CSMD1: variants seen among roughly 807,000 people sequenced by gnomAD.
CSMD1 encodes CUB and Sushi multiple domains 1.
CSMD1 carries 213 observed loss-of-function variants against 417.5 expected under a neutral mutation model. The observed-to-expected ratio is 0.51, with a 90% CI of 0.46 to 0.57. The LOEUF is 0.57. Ranked by LOEUF, CSMD1 falls within the 20% of genes least tolerant of loss-of-function variation. CSMD1 has a pLI of 0.00. For synonymous variants in CSMD1, 2,862 were observed against 1,736.8 expected (o/e 1.65, Z -16.11); for missense variants, 6,923 against 4,529.7 (o/e 1.53, Z -15.17).
rs560054875 is a variant in CSMD1 at position 3,873,920 on chromosome 8, A to C, written c.819-119878T>G. 2.7e-4 allele frequency among the ~76,000 whole-genome samples: 41 copies of C among 152,282 alleles called. No individual in the cohort carries two copies. In the East Asian group the frequency reaches 5.0e-3, roughly 19 times the overall value. On this transcript the variant is annotated intron_variant, in intron 5 of 69. Transcript: ENST00000635120. ...GAGGTCACTGATCTTGGAGACAACT[A>C]GATCTGACTTTGGATTCTGAAAAGA...
At position 3,021,402 on chromosome 8, in the gene CSMD1, T is replaced by G. The variant is rs1194320036; in HGVS notation, c.7856-2752A>C. 4.6e-5 allele frequency among the ~76,000 whole-genome samples: 7 copies of G among 152,352 alleles called. No individual in the cohort carries two copies. The East Asian group carries it at 1.3e-3, about 29-fold the overall frequency. Reference sequence around the variant, plus strand: ...CAATAACTCGGAAATCTTGCCTGACTGAAAAGGGGAAGCCCCTCACTACTA... The same window carrying G: ...CAATAACTCGGAAATCTTGCCTGACGGAAAAGGGGAAGCCCCTCACTACTA... On this transcript the variant is annotated intron_variant, in intron 51 of 69. Transcript: ENST00000635120.
intron 1 of CSMD1, among the ~76,000 whole-genome samples, chr8:4,747,064 T>C (rs1247389293): frequency 1.3e-5 from 2 of 152,100 alleles, no homozygotes; most frequent in East Asian, 3.9e-4. Context: ...TGGATCACCA[T>C]CCTCTGGGGC....
At chr8:4,181,396 G>A (rs747211339) in intron 3 of CSMD1, among the ~76,000 whole-genome samples, 1 of 151,532 alleles carries the variant, frequency 6.6e-6, no homozygotes, top group Non-Finnish European at 1.5e-5. Flanking sequence ...AAACTATAAG[G>A]CAGGGTTCTC....
chr8:3,219,267 T>A lies in CSMD1; in HGVS notation c.4660A>T (p.Ile1554Phe). 6.3e-7 allele frequency: 1 copy of A among 1,592,004 alleles called. No homozygotes were observed. Among genetic ancestry groups the A allele is most frequent in the Non-Finnish European group, 8.6e-7 (1 of 1,168,216 alleles). Residue 1554 changes from isoleucine (I) to phenylalanine (F), a missense_variant, in exon 29 of 70, where the codon ATT becomes TTT. Ile to Phe is a conservative substitution (Grantham distance 21). Transcript: ENST00000635120. ...DASVGLSGFA[I>F]EFKEKPREAC... ...GCAATCGCAATACCTTTAAATTCAA[T>A]GGCGAACCCTGAAAGGCCCACGGAG... is the stretch of plus-strand genomic sequence containing the variant.
At chr8:4,044,222 T>C (rs1333735918) in intron 3 of CSMD1, among the ~76,000 whole-genome samples, 4 of 152,136 alleles carry the variant, frequency 2.6e-5, no homozygotes, top group African/African-American at 9.7e-5. Flanking sequence ...CTGTTTCAAA[T>C]ACAAATAACT....
At chr8:3,556,690 C>T (rs1163263886) in intron 10 of CSMD1, among the ~76,000 whole-genome samples, 2 of 151,898 alleles carry the variant, frequency 1.3e-5, no homozygotes, top group Admixed American at 1.3e-4. Flanking sequence ...CTACTGTAAG[C>T]ACCTTTAAAT....
chr8:4,807,083 T>G (rs1418166009), intron 1 of CSMD1, among the ~76,000 whole-genome samples: 1 of 152,234 alleles, frequency 6.6e-6, no homozygotes, highest in African/African-American at 2.4e-5. Context: ...TTTTATTCTT[T>G]TTAACCACAG....
At chr8:4,349,272 A>G (rs1003615334) in intron 3 of CSMD1, among the ~76,000 whole-genome samples, 3 of 152,202 alleles carry the variant, frequency 2.0e-5, no homozygotes, top group Non-Finnish European at 4.4e-5. Flanking sequence ...TGGTTTTCAA[A>G]AACAATTTTT....
intron 3 of CSMD1, among the ~76,000 whole-genome samples, chr8:4,085,754 G>C (rs961251910): frequency 3.9e-5 from 6 of 152,160 alleles, no homozygotes; most frequent in African/African-American, 1.4e-4. Flanking sequence ...GAGGGAAGAT[G>C]TGTGGCTTCC....
At chr8:3,745,507 G>T (rs1451162079) in intron 6 of CSMD1, among the ~76,000 whole-genome samples, 1 of 152,196 alleles carries the variant, frequency 6.6e-6, no homozygotes, top group Non-Finnish European at 1.5e-5. Context: ...TGTACAACAG[G>T]AAACTCGCCC....
intron 1 of CSMD1, among the ~76,000 whole-genome samples, chr8:4,643,295 T>C (rs1803320867): frequency 6.6e-6 from 1 of 152,208 alleles, no homozygotes; most frequent in African/African-American, 2.4e-5. Context: ...TACATCTATT[T>C]TGTGAAAATG....
chr8:3,351,448 T>C (rs1366146826), intron 21 of CSMD1, among the ~76,000 whole-genome samples: 2 of 151,584 alleles, frequency 1.3e-5, no homozygotes, highest in Non-Finnish European at 2.9e-5. Context: ...CCGTCTCTAC[T>C]AAAAATACAA....
intron 2 of CSMD1, among the ~76,000 whole-genome samples, chr8:4,604,456 CA>C: frequency 6.6e-6 from 1 of 150,868 alleles, no homozygotes; most frequent in South Asian, 2.1e-4. Flanking sequence ...GGATCATCAA[CA>C]AGTTCATGAA....
chr8:4,027,396 G>C lies in CSMD1; in HGVS notation c.610+4509C>G, dbSNP rs1585159564. ...AATTCTAATCCCCTAATCCCCATGA[G>C]TTGGGGAGGCACATTGTGGGAGGTG... On this transcript the variant is annotated intron_variant, in intron 4 of 69. Transcript: ENST00000635120. Among the ~76,000 whole-genome samples, 3 of 152,258 alleles carry C rather than the reference G, an allele frequency of 2.0e-5. No homozygotes were observed. In the South Asian group the frequency reaches 6.2e-4, roughly 32 times the overall value.
chr8:4,138,844 A>C (rs1319249092), intron 3 of CSMD1, among the ~76,000 whole-genome samples: 1 of 152,206 alleles, frequency 6.6e-6, no homozygotes, highest in Non-Finnish European at 1.5e-5. Flanking sequence ...ATAGAGAATA[A>C]AGTTAATATA....
chr8:4,719,218 C>T (rs1030159617), intron 1 of CSMD1, among the ~76,000 whole-genome samples: 4 of 152,136 alleles, frequency 2.6e-5, no homozygotes, highest in African/African-American at 7.2e-5. Context: ...GACTAGATGG[C>T]ACACATTGTC....
At chr8:3,784,289 T>A (rs79249403) in intron 5 of CSMD1, among the ~76,000 whole-genome samples, 1,904 of 152,282 alleles carry the variant, frequency 0.013, 21 homozygotes, top group Non-Finnish European at 0.02. Context: ...ATTTCTCAGA[T>A]AAATAATATT....
At chr8:3,477,778 A>C (rs965579465) in intron 11 of CSMD1, among the ~76,000 whole-genome samples, 1 of 152,160 alleles carries the variant, frequency 6.6e-6, no homozygotes, top group African/African-American at 2.4e-5. Flanking sequence ...AGGTACTGAG[A>C]GCAAGTAAAG....
chr8:3,810,154 T>C (rs550310189), intron 5 of CSMD1, among the ~76,000 whole-genome samples: 3 of 152,286 alleles, frequency 2.0e-5, no homozygotes, highest in East Asian at 3.9e-4. Flanking sequence ...CTGACTATCA[T>C]AGTGCCAGGC....
Sources: allele counts gnomAD v4.1 joint callset (sites outside exome capture counted in the v4.1 genomes callset), GRCh38; gene constraint gnomAD v4.1.1; transcripts MANE v1.5; gene names NCBI Gene and HGNC (gene_info 2026-07-23, HGNC 2026-07-21).